ENTREP2: variants seen among roughly 807,000 people sequenced by gnomAD.
ENTREP2 encodes the protein endosomal transmembrane epsin interactor 2, also known as protein ENTREP2.
chr15:29,279,327 A>G, the ENTREP2 span, among the ~76,000 whole-genome samples: 1 of 151,858 alleles, frequency 6.6e-6, no homozygotes, highest in Non-Finnish European at 1.5e-5. Context: ...CTCCATATGA[A>G]TTTGAGAATC....
the ENTREP2 span, among the ~76,000 whole-genome samples, chr15:29,358,601 T>C: frequency 6.6e-6 from 1 of 152,142 alleles, no homozygotes; most frequent in Non-Finnish European, 1.5e-5. Flanking sequence ...TGTTTAATAA[T>C]ATTTTATTAA....
chr15:29,504,979 G>A, the ENTREP2 span, among the ~76,000 whole-genome samples: 5 of 152,194 alleles, frequency 3.3e-5, no homozygotes, highest in Non-Finnish European at 7.3e-5. Flanking sequence ...ATACAAGGAT[G>A]TACAATGCCA....
At chr15:29,438,310 T>C in the ENTREP2 span, among the ~76,000 whole-genome samples, 1 of 152,178 alleles carries the variant, frequency 6.6e-6, no homozygotes, top group Non-Finnish European at 1.5e-5. Flanking sequence ...AGTGTTAAAG[T>C]ATGTCCTCAG....
chr15:29,266,587 C>T, the ENTREP2 span: 304 of 152,282 alleles, frequency 2.0e-3, no homozygotes, highest in African/African-American at 7.1e-3. Context: ...TACATATATC[C>T]ACATGGCTGA....
At chr15:29,147,999 T>G in the ENTREP2 span, among the ~76,000 whole-genome samples, 1 of 152,180 alleles carries the variant, frequency 6.6e-6, no homozygotes, top group African/African-American at 2.4e-5. Flanking sequence ...GAAACATGAA[T>G]GAACCTTGAA....
chr15:29,652,610 T>TG, the ENTREP2 span, among the ~76,000 whole-genome samples: 1 of 152,180 alleles, frequency 6.6e-6, no homozygotes, highest in East Asian at 1.9e-4. Context: ...CTGCGGTTCT[T>TG]GGAGTCTCTG....
the ENTREP2 span, among the ~76,000 whole-genome samples, chr15:29,569,181 G>A: frequency 6.6e-6 from 1 of 152,078 alleles, no homozygotes. Context: ...TCTTTTCTTT[G>A]AATACTCCCA....
the ENTREP2 span, among the ~76,000 whole-genome samples, chr15:29,319,869 T>C: frequency 1.3e-5 from 2 of 152,184 alleles, no homozygotes; most frequent in Admixed American, 6.5e-5. Flanking sequence ...GTGAGACTGC[T>C]GGGGCTGCAG....
At chr15:29,196,393 A>G in the ENTREP2 span, 30 of 1,544,336 alleles carry the variant, frequency 1.9e-5, no homozygotes, top group Non-Finnish European at 2.5e-5. Flanking sequence ...AAGGCATGGA[A>G]TGAAATGCAT....
chr15:29,592,447 A>G, the ENTREP2 span, among the ~76,000 whole-genome samples: 1 of 152,188 alleles, frequency 6.6e-6, no homozygotes, highest in Admixed American at 6.5e-5. Flanking sequence ...CCTTCTTACC[A>G]TGTCATCCTA....
chr15:29,438,971 C>T, the ENTREP2 span, among the ~76,000 whole-genome samples: 2 of 152,112 alleles, frequency 1.3e-5, no homozygotes, highest in Non-Finnish European at 2.9e-5. Flanking sequence ...GGCAATGGCT[C>T]AGTATTCACT....
At chr15:29,673,596 G>T in the ENTREP2 span, among the ~76,000 whole-genome samples, 3 of 152,106 alleles carry the variant, frequency 2.0e-5, no homozygotes, top group Non-Finnish European at 2.9e-5. Context: ...GGAGCAATTT[G>T]GGATGGCTCA....
the ENTREP2 span, among the ~76,000 whole-genome samples, chr15:29,145,621 T>TCA: frequency 7.3e-5 from 1 of 13,700 alleles, no homozygotes; most frequent in African/African-American, 3.1e-4. Context: ...AGACTCCATC[T>TCA]CAAAAAAAAA....
chr15:29,299,878 G>GGGAT, the ENTREP2 span, among the ~76,000 whole-genome samples: 112 of 151,294 alleles, frequency 7.4e-4, no homozygotes, highest in African/African-American at 2.5e-3. Context: ...GAGTAGGTGG[G>GGGAT]GGATGGATGG....
the ENTREP2 span, among the ~76,000 whole-genome samples, chr15:29,663,107 T>A: frequency 4.2e-4 from 64 of 152,296 alleles, no homozygotes; most frequent in Middle Eastern, 3.4e-3. Context: ...CTGTAATTGC[T>A]CTGGGCCTCA....
the ENTREP2 span, among the ~76,000 whole-genome samples, chr15:29,245,879 G>A: frequency 6.6e-6 from 1 of 152,144 alleles, no homozygotes; most frequent in Non-Finnish European, 1.5e-5. Flanking sequence ...TGCTGGCAAA[G>A]GTGTGAAGGG....
chr15:29,346,646 A>G, the ENTREP2 span, among the ~76,000 whole-genome samples: 5 of 152,212 alleles, frequency 3.3e-5, no homozygotes, highest in Non-Finnish European at 7.3e-5. Context: ...AGCTTTAAAC[A>G]GCCCTTTCTG....
the ENTREP2 span, among the ~76,000 whole-genome samples, chr15:29,662,724 T>C: frequency 3.3e-5 from 5 of 152,056 alleles, no homozygotes; most frequent in African/African-American, 4.8e-5. Context: ...TCTTTTTCTT[T>C]TTTTTCTTTT....
the ENTREP2 span, among the ~76,000 whole-genome samples, chr15:29,485,323 C>G: frequency 1.3e-5 from 2 of 152,018 alleles, no homozygotes; most frequent in Admixed American, 6.6e-5. Context: ...TTGAAGACAG[C>G]AGCAGCATTC....
Sources: gnomAD v4.1 joint callset for allele counts (sites outside exome capture counted in the v4.1 genomes callset) on GRCh38, gnomAD v4.1.1 for gene constraint, MANE v1.5 for transcripts, NCBI Gene and HGNC (gene_info 2026-07-23, HGNC 2026-07-21) for gene names.